Variants in CNBD1 observed in about 807,000 individuals in gnomAD.
The protein encoded by CNBD1 is cyclic nucleotide-binding domain-containing protein 1.
A neutral mutation model predicts 54.4 loss-of-function variants in CNBD1; 71 were observed. That is an observed-to-expected ratio of 1.30 (90% CI 1.08 to 1.59). The LOEUF (loss-of-function observed/expected upper bound fraction) is 1.59, where lower values mean the gene tolerates loss of function less well. Among genes scored for constraint, CNBD1 ranks in the 40% most tolerant of loss-of-function variants. The pLI is 0.00. For synonymous variants in CNBD1, 182 were observed against 170.7 expected (o/e 1.07, Z -0.51); for missense variants, 659 against 518.0 (o/e 1.27, Z -2.64).
At chr8:87,164,743 G>T (rs1812926993) in intron 4 of CNBD1, among the ~76,000 whole-genome samples, 1 of 150,774 alleles carries the variant, frequency 6.6e-6, no homozygotes. Context: ...TACTTTCATT[G>T]CTTTTTTCTG....
At chr8:87,098,754 T>A (rs909934430) in intron 4 of CNBD1, among the ~76,000 whole-genome samples, 3 of 149,578 alleles carry the variant, frequency 2.0e-5, no homozygotes, top group African/African-American at 7.4e-5. Context: ...AAAAAACTCC[T>A]GGGCCAGGCG....
chr8:87,282,752 A>G (rs1428371650), intron 6 of CNBD1, among the ~76,000 whole-genome samples: 1 of 152,006 alleles, frequency 6.6e-6, no homozygotes, highest in Non-Finnish European at 1.5e-5. Context: ...ATAATGGCTT[A>G]TTAGGTAATT....
At chr8:87,390,054 G>A (rs1586073213) in intron 2 of CNBD1, among the ~76,000 whole-genome samples, 2 of 150,982 alleles carry the variant, frequency 1.3e-5, no homozygotes, top group Non-Finnish European at 1.5e-5. Flanking sequence ...TATGTAGAAA[G>A]CTGAAACTGG....
chr8:87,040,673 CT>C (rs768982195), intron 4 of CNBD1, among the ~76,000 whole-genome samples: 1 of 151,878 alleles, frequency 6.6e-6, no homozygotes, highest in Non-Finnish European at 1.5e-5. Context: ...ATCCACCCTC[CT>C]TGGCCTCCCA....
chr8:87,092,344 AGTGT>A (rs113453662), intron 4 of CNBD1, among the ~76,000 whole-genome samples: 3,235 of 143,156 alleles, frequency 0.023, 51 homozygotes, highest in African/African-American at 0.051. Context: ...ATACTGGCTC[AGTGT>A]GTGTGTGTGT....
chr8:87,073,868 G>T (rs1810809663), intron 4 of CNBD1, among the ~76,000 whole-genome samples: 1 of 152,068 alleles, frequency 6.6e-6, no homozygotes, highest in African/African-American at 2.4e-5. Context: ...TTGGGAGGCT[G>T]AGGTGGGCAG....
chr8:87,392,305 T>A (rs899739876), intron 2 of CNBD1, among the ~76,000 whole-genome samples: 1 of 152,018 alleles, frequency 6.6e-6, no homozygotes, highest in South Asian at 2.1e-4. Context: ...CTTCTAGGTC[T>A]ATATCCAAGA....
At position 87,353,662 on chromosome 8, in the gene CNBD1, G is replaced by T. The variant is rs1586039745; in HGVS notation, c.1179G>T (p.Met393Ile). 4 of 1,594,734 alleles carry T rather than the reference G, an allele frequency of 2.5e-6. No individual in the cohort carries two copies. The highest frequency in any genetic ancestry group is 3.4e-6 in the Non-Finnish European group (4 of 1,171,696). ...AAAGATCTCAAAAACTTGTTTATAT[G>T]GGGAAACTTAAGGAGAAGGAGTCCT... is the stretch of plus-strand genomic sequence containing the variant. ...KVKRSQKLVY[M>I]GKLKEKESFG... Residue 393 changes from methionine to isoleucine, a missense_variant, in exon 10 of 11, where the codon ATG (methionine) becomes ATT (isoleucine). Met to Ile is a conservative substitution (Grantham distance 10, BLOSUM62 1). Transcript: ENST00000518476.
intron 4 of CNBD1, among the ~76,000 whole-genome samples, chr8:87,190,621 C>T (rs1446454122): frequency 2.6e-5 from 4 of 152,008 alleles, no homozygotes; most frequent in Non-Finnish European, 1.5e-5. Flanking sequence ...TAGACTTACC[C>T]TGAAGGTAAT....
At chr8:87,398,957 G>T (rs1383875458) in intron 2 of CNBD1, among the ~76,000 whole-genome samples, 3 of 151,934 alleles carry the variant, frequency 2.0e-5, no homozygotes, top group African/African-American at 7.2e-5. Context: ...TTTTCTACTT[G>T]TCAGAGAGAT....
At chr8:87,110,564 C>A (rs1811641772) in intron 4 of CNBD1, among the ~76,000 whole-genome samples, 1 of 152,190 alleles carries the variant, frequency 6.6e-6, no homozygotes, top group Non-Finnish European at 1.5e-5. Context: ...AAGCCCCAGG[C>A]CAGTGAACCT....
intron 4 of CNBD1, among the ~76,000 whole-genome samples, chr8:87,168,635 G>A (rs749039158): frequency 5.9e-5 from 9 of 151,754 alleles, no homozygotes. Flanking sequence ...ATCTCCATGA[G>A]TTCAATTGTT....
chr8:87,422,849 G>A (rs1327059197), intron 2 of CNBD1, among the ~76,000 whole-genome samples: 2 of 152,104 alleles, frequency 1.3e-5, no homozygotes, highest in Non-Finnish European at 2.9e-5. Flanking sequence ...CATTGAATCT[G>A]TAAATTACCT....
At chr8:87,303,224 T>A (rs1290301048) in intron 8 of CNBD1, among the ~76,000 whole-genome samples, 3 of 151,378 alleles carry the variant, frequency 2.0e-5, no homozygotes, top group Non-Finnish European at 4.4e-5. Flanking sequence ...TCATGCTACC[T>A]GACTTCAAAC....
chr8:87,239,724 A>G (rs1412609127), intron 6 of CNBD1, among the ~76,000 whole-genome samples: 1 of 152,162 alleles, frequency 6.6e-6, no homozygotes, highest in Non-Finnish European at 1.5e-5. Context: ...GTGAATAAAA[A>G]TTGTTAAAGC....
chr8:87,382,877 G>T, downstream of CNBD1: 1 of 364,362 alleles, frequency 2.7e-6, no homozygotes, highest in African/African-American at 2.1e-5. Flanking sequence ...TGATACGAAG[G>T]TTTTCTTTCA....
intron 10 of CNBD1, among the ~76,000 whole-genome samples, chr8:87,370,740 C>A (rs1443780478): frequency 3.4e-5 from 5 of 148,792 alleles, no homozygotes; most frequent in African/African-American, 1.2e-4. Flanking sequence ...AATTAGATCC[C>A]ATTTGTCAAT....
At chr8:87,045,263 A>T (rs553643961) in intron 4 of CNBD1, among the ~76,000 whole-genome samples, 2 of 152,206 alleles carry the variant, frequency 1.3e-5, no homozygotes, top group Non-Finnish European at 2.9e-5. Flanking sequence ...CACAAGACAT[A>T]CAAGAAAAAG....
rs1807542216 is a variant in CNBD1 at position 87,234,891 on chromosome 8, G to A, written c.578-2028G>A. On this transcript the variant is annotated intron_variant, in intron 5 of 10. Transcript: ENST00000518476. ...TACTAGATGGCATCTTCTTACAATA[G>A]AATGCTGTTTCATCTACATTGAAAA... Among the ~76,000 whole-genome samples, 2 of 152,110 alleles carry A rather than the reference G, an allele frequency of 1.3e-5. 1 individual carries two copies. The highest frequency in any genetic ancestry group is 4.1e-4 in the South Asian group (2 of 4,834).
Sources: allele counts gnomAD v4.1 joint callset (sites outside exome capture counted in the v4.1 genomes callset), GRCh38; gene constraint gnomAD v4.1.1; transcripts MANE v1.5; gene names NCBI Gene and HGNC (gene_info 2026-07-23, HGNC 2026-07-21).